TCF20: variants seen among roughly 807,000 people sequenced by gnomAD.
The protein encoded by TCF20 is transcription factor 20, also known as SPRE-binding protein.
Under a neutral mutation model 148.6 loss-of-function variants are expected in TCF20, and 3 were observed. The ratio of observed to expected loss-of-function variants is 0.02; its 90% CI spans 0.01 to 0.05. The LOEUF (loss-of-function observed/expected upper bound fraction) is 0.05. Ranked by LOEUF, TCF20 falls within the 10% of genes least tolerant of loss-of-function variation. TCF20 has a pLI of 1.00. For synonymous variants in TCF20, 1,049 were observed against 909.5 expected, an observed-to-expected ratio of 1.15 and a Z score of -2.76; for missense variants, 2,350 against 2,429.3, an observed-to-expected ratio of 0.97 and a Z score of 0.69.
chr22:42,342,216 C>A (rs990624294), intron 1 of TCF20, among the ~76,000 whole-genome samples: 10 of 152,008 alleles, frequency 6.6e-5, no homozygotes, highest in African/African-American at 2.2e-4. Context: ...TTGGCAATGG[C>A]GTCCCAATGG....
intron 1 of TCF20, among the ~76,000 whole-genome samples, chr22:42,219,702 A>G (rs1922175271): frequency 6.6e-6 from 1 of 151,972 alleles, no homozygotes; most frequent in Non-Finnish European, 1.5e-5. Flanking sequence ...TAAAAAATAC[A>G]AAAATTAGCC....
chr22:42,169,957 G>A (rs1936022574), intron 3 of TCF20, 61 bp from the exon 4 acceptor site: 4 of 1,572,406 alleles, frequency 2.5e-6, no homozygotes, highest in Admixed American at 3.4e-5. Flanking sequence ...GTGTGGTCAT[G>A]CTGGCTGGGA....
At chr22:42,202,849 A>G (rs190432461) in intron 2 of TCF20, among the ~76,000 whole-genome samples, 52 of 152,330 alleles carry the variant, frequency 3.4e-4, no homozygotes, top group Admixed American at 4.6e-4. Flanking sequence ...AAGCCTTGAC[A>G]TAGAGCTTCT....
Position 42,215,162 on chromosome 22 carries a change from A to C in TCF20, c.144T>G (p.Ser48Arg). 6.2e-7 allele frequency: 1 copy of C among 1,614,150 alleles called. No individual in the cohort carries two copies. Among genetic ancestry groups the C allele is most frequent in the Non-Finnish European group, 8.5e-7 (1 of 1,180,014 alleles). The change falls in exon 2 of 6, where the codon AGT becomes AGG. Residue 48 changes from serine (S) to arginine (R), a missense_variant. Around this residue, in one of 7 missense-constraint regions of TCF20, gnomAD observed 1,641 missense variants for 1,662.6 expected, o/e 0.99. Coordinates refer to ENST00000677622, the MANE Select transcript of TCF20 (RefSeq NM_001378418.1). ...CACCACTGCCACTGCCACTGCTGCCACTACTGCCACCTGTACCTCCAAAAT... is the reference window on the plus strand; with the variant it reads ...CACCACTGCCACTGCCACTGCTGCCCCTACTGCCACCTGTACCTCCAAAAT... ...FQNFGGTGGS[S>R]GSSGSGSGGG...
chr22:42,334,217 C>T (rs1261091390), intron 1 of TCF20, among the ~76,000 whole-genome samples: 1 of 152,198 alleles, frequency 6.6e-6, no homozygotes, highest in Non-Finnish European at 1.5e-5. Context: ...CAGCTGTCCT[C>T]ACGGCCCTTT....
chr22:42,195,742 C>T (rs890086064), intron 2 of TCF20, among the ~76,000 whole-genome samples: 4 of 152,108 alleles, frequency 2.6e-5, no homozygotes, highest in East Asian at 3.9e-4. Flanking sequence ...TCAGGTGGTC[C>T]GCCTGCCTCG....
At chr22:42,191,141 G>T (rs1937312510) in intron 2 of TCF20, among the ~76,000 whole-genome samples, 1 of 152,140 alleles carries the variant, frequency 6.6e-6, no homozygotes, top group Admixed American at 6.5e-5. Flanking sequence ...AGAAGGCCTG[G>T]TTTAGTAATT....
chr22:42,212,741 C>T lies in TCF20; in HGVS notation c.2565G>A (p.Glu855=), dbSNP rs1921130619. 6.2e-7 allele frequency: 1 copy of T among 1,614,208 alleles called. No individual in the cohort carries two copies. The highest frequency in any genetic ancestry group is 1.6e-4 in the Middle Eastern group (1 of 6,062). ...FEIEPQSSAH[E]PGGSLSERRS... is the part of the protein sequence containing the mutation. ...TTCTTTCAGAGAGGGAACCCCCAGG[C>T]TCATGTGCTGATGACTGAGGCTCTA... The change falls in exon 2 of 6, where the codon GAG becomes GAA. Residue 855 remains glutamate (E), a synonymous_variant. Transcript: ENST00000677622.
chr22:42,334,846 C>A (rs1208264743), intron 1 of TCF20, among the ~76,000 whole-genome samples: 2 of 152,232 alleles, frequency 1.3e-5, no homozygotes, highest in Non-Finnish European at 2.9e-5. Flanking sequence ...TCCTGTCTGT[C>A]CGTCCCATGG....
intron 2 of TCF20, among the ~76,000 whole-genome samples, chr22:42,208,860 A>T (rs1366694918): frequency 6.6e-6 from 1 of 152,256 alleles, no homozygotes; most frequent in Non-Finnish European, 1.5e-5. Flanking sequence ...ATCAGCGTAC[A>T]TAAGATCTCA....
At chr22:42,277,698 AGAG>A (rs142184329) in intron 1 of TCF20, among the ~76,000 whole-genome samples, 2,787 of 152,336 alleles carry the variant, frequency 0.018, 92 homozygotes, top group African/African-American at 0.063. Context: ...CTGGGCAAAA[AGAG>A]GAGATGATGA....
At chr22:42,293,845 C>A (rs1404852329) in intron 1 of TCF20, among the ~76,000 whole-genome samples, 1 of 152,204 alleles carries the variant, frequency 6.6e-6, no homozygotes, top group African/African-American at 2.4e-5. Context: ...ACTAACATTA[C>A]AAAAATTAGC....
At chr22:42,280,749 T>C (rs929220068) in intron 1 of TCF20, among the ~76,000 whole-genome samples, 49 of 152,346 alleles carry the variant, frequency 3.2e-4, no homozygotes, top group African/African-American at 1.2e-3. Context: ...CTAGAGCCTT[T>C]GCTCTCTGGA....
At position 42,212,029 on chromosome 22, in the gene TCF20, G is replaced by C; in HGVS notation, c.3277C>G (p.Gln1093Glu). Residue 1093 changes from glutamine (Q) to glutamate (E), a missense_variant, in exon 2 of 6, where the codon CAA (glutamine) becomes GAA (glutamate). Coordinates refer to ENST00000677622, the MANE Select transcript of TCF20 (RefSeq NM_001378418.1). Reference protein sequence around the residue: ...LHYKRQMYQQQPEEYKDWSSG... With the variant: ...LHYKRQMYQQEPEEYKDWSSG... Reference sequence around the variant, plus strand: ...CTCCAGTCTTTATACTCCTCTGGTTGCTGTTGGTACATCTGTCTCTTATAA... The same window carrying C: ...CTCCAGTCTTTATACTCCTCTGGTTCCTGTTGGTACATCTGTCTCTTATAA... The C allele has an allele frequency of 6.2e-7, 1 of 1,614,202 alleles. No homozygotes were observed. The highest frequency in any genetic ancestry group is 8.5e-7 in the Non-Finnish European group (1 of 1,180,044).
chr22:42,206,342 G>T lies in TCF20; in HGVS notation c.5655+3309C>A, dbSNP rs551037349. Among the ~76,000 whole-genome samples, 7 of 152,218 alleles carry T rather than the reference G, an allele frequency of 4.6e-5. No individual in the cohort carries two copies. The East Asian group carries it at 1.4e-3, about 29-fold the overall frequency. On this transcript the variant is annotated intron_variant, in intron 2 of 5. Transcript: ENST00000677622. ...AGGTCAAGGCAGATGGATGATCTGA[G>T]GTCAGGAGTTCCAGACCAGCCTGGC... is the stretch of plus-strand genomic sequence containing the variant.
intron 1 of TCF20, among the ~76,000 whole-genome samples, chr22:42,235,813 G>A (rs1028579581): frequency 7.2e-5 from 11 of 152,186 alleles, no homozygotes; most frequent in Admixed American, 2.0e-4. Flanking sequence ...TCTGCAAACA[G>A]CTAAGTACCA....
intron 3 of TCF20, among the ~76,000 whole-genome samples, chr22:42,176,839 C>A (rs1936483446): frequency 1.3e-5 from 2 of 151,924 alleles, no homozygotes; most frequent in South Asian, 4.1e-4. Flanking sequence ...TACTAGAGGC[C>A]AGGAAGGGGA....
rs998273514 is a variant in TCF20, at chr22:42,299,650, G to C, written c.-37+43829C>G. On this transcript the variant is annotated intron_variant, in intron 1 of 1. Coordinates refer to the TCF20 transcript ENST00000515426. The surrounding 1 kb of genome is among the most constrained non-coding windows in gnomAD (Gnocchi z 4.1). ...ACCTCTGTACCTCTCCCCGAACGCA[G>C]GCCCCCCTGCCCGCACCCCAACACT... is the stretch of plus-strand genomic sequence containing the variant. Among the ~76,000 whole-genome samples the C allele has an allele frequency of 6.6e-6, 1 of 152,140 alleles. No homozygotes were observed. The highest frequency in any genetic ancestry group is 2.4e-5 in the African/African-American group (1 of 41,406).
rs1302550878 is a variant in TCF20, at chr22:42,210,294, G to A, written c.5012C>T (p.Thr1671Ile). ...VRGRKGQRSL[T>I]PPPSSTESKA... Reference sequence around the variant, plus strand: ...GCTTTCAGTGCTGCTAGGTGGAGGGGTCAGTGACCTCTGACCCTTCCTGCC... The same window carrying A: ...GCTTTCAGTGCTGCTAGGTGGAGGGATCAGTGACCTCTGACCCTTCCTGCC... Residue 1671 changes from threonine to isoleucine, a missense_variant, in exon 2 of 6, where the codon ACC becomes ATC. By Grantham distance (89) the Thr-to-Ile change is moderately conservative. Transcript: ENST00000677622. The surrounding 1 kb of genome is among the most constrained non-coding windows in gnomAD (Gnocchi z 4.7). 8 of 1,614,038 alleles carry A rather than the reference G, an allele frequency of 5.0e-6. No homozygotes were observed. Among genetic ancestry groups the A allele is most frequent in the Middle Eastern group, 1.6e-4 (1 of 6,084 alleles).
Sources: gnomAD v4.1 joint callset for allele counts (sites outside exome capture counted in the v4.1 genomes callset) on GRCh38, gnomAD v4.1.1 for gene constraint, gnomAD v4.1.1 regional missense constraint, Gnocchi (gnomAD v3.1) non-coding constraint, MANE v1.5 for transcripts, NCBI Gene and HGNC (gene_info 2026-07-23, HGNC 2026-07-21) for gene names.